Variants in HLCS observed in about 807,000 individuals in gnomAD.
The protein encoded by HLCS is biotin--protein ligase.
Under a neutral mutation model 75.0 loss-of-function variants are expected in HLCS, and 53 were observed. That is an observed-to-expected ratio of 0.71 (90% CI 0.57 to 0.89). The LOEUF (loss-of-function observed/expected upper bound fraction) is 0.89. HLCS is among the 40% of genes least tolerant of loss of function. HLCS has a pLI of 0.00. For missense variants in HLCS, 966 were observed against 1,074.0 expected, an observed-to-expected ratio of 0.90 and a Z score of 1.41; for synonymous variants, 431 against 428.6, an observed-to-expected ratio of 1.01 and a Z score of -0.07.
chr21:36,960,134 C>G (rs1461892522), intron 2 of HLCS, among the ~76,000 whole-genome samples: 14 of 9,268 alleles, frequency 1.5e-3, no homozygotes, highest in African/African-American at 6.6e-3. Context: ...GCCACCCACC[C>G]CCCCCCCCCC....
At chr21:36,945,271 T>C (rs1402072794) in intron 2 of HLCS, among the ~76,000 whole-genome samples, 1 of 151,708 alleles carries the variant, frequency 6.6e-6, no homozygotes, top group Non-Finnish European at 1.5e-5. Context: ...ACCCCATAAA[T>C]ATATACAACT....
chr21:36,801,253 G>T (rs995253201), intron 6 of HLCS, among the ~76,000 whole-genome samples: 1 of 152,124 alleles, frequency 6.6e-6, no homozygotes, highest in African/African-American at 2.4e-5. Flanking sequence ...CAATAGAGAC[G>T]CAAGTAACTT....
intron 5 of HLCS, among the ~76,000 whole-genome samples, chr21:36,922,941 T>G (rs1453452689): frequency 6.6e-6 from 1 of 152,188 alleles, no homozygotes; most frequent in African/African-American, 2.4e-5. Flanking sequence ...AGGAGAACAT[T>G]TATCAAATGG....
chr21:36,970,911 G>A (rs1294384824), upstream of HLCS, among the ~76,000 whole-genome samples: 1 of 151,256 alleles, frequency 6.6e-6, no homozygotes, highest in Non-Finnish European at 1.5e-5. Context: ...GGAGAATGGC[G>A]TGAACCCAGG....
chr21:36,812,043 T>C (rs571070494), intron 6 of HLCS, among the ~76,000 whole-genome samples: 1 of 152,174 alleles, frequency 6.6e-6, no homozygotes, highest in Non-Finnish European at 1.5e-5. Context: ...CCTAGGACAC[T>C]GGGTGGCTCC....
At chr21:36,967,203 A>C (rs1437228473), upstream of HLCS, among the ~76,000 whole-genome samples, 1 of 152,158 alleles carries the variant, frequency 6.6e-6, no homozygotes, top group African/African-American at 2.4e-5. Context: ...AGCGCTCCAC[A>C]GCCGCTACCC....
rs201813658 is a variant in HLCS, at chr21:36,767,228, G to C, written c.1950C>G (p.Thr650=). 15 of 1,613,956 alleles carry C rather than the reference G, an allele frequency of 9.3e-6. No individual in the cohort carries two copies. In the African/African-American group the frequency reaches 1.2e-4, roughly 13 times the overall value. Residue 650 remains threonine, a synonymous_variant, in exon 7 of 11, where the codon ACC becomes ACG. Transcript: ENST00000674895. The stretch of plus-strand genomic sequence containing the variant: ...CAAAAGATGACTGACCTTTGCCCTC[G>C]GTCTGCCGGGCCGCGATCACTATTA... ...MGLIVIAARQ[T]EGKGRGGNVW... is the part of the protein sequence containing the mutation.
Position 36,904,584 on chromosome 21 carries a change from T to C in HLCS, c.1621-7453A>G, listed in dbSNP as rs1041323472. Among the ~76,000 whole-genome samples, 4 of 152,210 alleles carry C rather than the reference T, an allele frequency of 2.6e-5. No homozygotes were observed. The East Asian group carries it at 7.7e-4, about 29-fold the overall frequency. ...TTCTCTTAAATATTTATATTCACTA[T>C]AGTCAAATACATTTTAAGTACCATA... On this transcript the variant is annotated intron_variant, in intron 5 of 10. Transcript: ENST00000674895.
chr21:36,848,900 A>C (rs950416887), intron 6 of HLCS, among the ~76,000 whole-genome samples: 1 of 152,176 alleles, frequency 6.6e-6, no homozygotes, highest in African/African-American at 2.4e-5. Flanking sequence ...AGAGGTGAGA[A>C]GGCTTCTAAA....
intron 6 of HLCS, among the ~76,000 whole-genome samples, chr21:36,819,085 G>A (rs2061749326): frequency 6.6e-6 from 1 of 152,162 alleles, no homozygotes; most frequent in Non-Finnish European, 1.5e-5. Context: ...CAGCTTAGGA[G>A]GCTCCGAAAG....
At chr21:36,969,355 G>A (rs1415749242), upstream of HLCS, among the ~76,000 whole-genome samples, 1 of 152,138 alleles carries the variant, frequency 6.6e-6, no homozygotes, top group Non-Finnish European at 1.5e-5. Flanking sequence ...CCTTAGAGCA[G>A]CAGCAGCAGC....
chr21:36,756,440 G>C, intron 10 of HLCS, 102 bp downstream of exon 10: 2 of 720,282 alleles, frequency 2.8e-6, no homozygotes, highest in East Asian at 7.9e-5. Context: ...GACAGAGTGA[G>C]ACTCCGTCTC....
rs943553338 is a variant in HLCS at position 36,826,101 on chromosome 21, A to C, written c.1893-58816T>G. Among the ~76,000 whole-genome samples, 9 of 152,336 alleles carry C rather than the reference A, an allele frequency of 5.9e-5. No homozygotes were observed. The East Asian group carries it at 1.7e-3, about 29-fold the overall frequency. The stretch of plus-strand genomic sequence containing the variant: ...TCTGTGAACTATGATTTTAACGTTA[A>C]GAGTAACAAAGATGGGAAATCTATC... On this transcript the variant is annotated intron_variant, in intron 6 of 10. Transcript: ENST00000674895.
intron 5 of HLCS, among the ~76,000 whole-genome samples, chr21:36,912,061 A>C (rs1017964531): frequency 1.3e-5 from 2 of 149,102 alleles, no homozygotes; most frequent in African/African-American, 2.5e-5. Context: ...ACAAGAGCAA[A>C]ACTCCGTCTC....
intron 1 of HLCS, among the ~76,000 whole-genome samples, chr21:36,965,401 C>T (rs2146683415): frequency 6.6e-6 from 1 of 152,304 alleles, no homozygotes. Flanking sequence ...AAGCTAAGCC[C>T]ATTTCCAAAA....
rs1402839553 is a variant in HLCS at position 36,753,676 on chromosome 21, C to T, written c.*570G>A. 1 of 162,700 alleles carries T rather than the reference C, an allele frequency of 6.1e-6. No homozygotes were observed. The highest frequency in any genetic ancestry group is 1.8e-4 in the East Asian group (1 of 5,646). The allele number at this position is 162,700 out of a possible 1,614,324, so 10.1% of individuals were successfully genotyped here. On this transcript the variant is annotated 3_prime_UTR_variant, in exon 11 of 11. Coordinates refer to ENST00000674895, the MANE Select transcript of HLCS (RefSeq NM_001352514.2). This position sits in a 1 kb window ranked among gnomAD's most constrained non-coding sequence, Gnocchi z 4.3. ...AGCTCTATCTCTACAGGCATTTAGACTTCGCTATGGGGCCACACCACCGGG... is the reference window on the plus strand; with the variant it reads ...AGCTCTATCTCTACAGGCATTTAGATTTCGCTATGGGGCCACACCACCGGG...
chr21:36,954,746 A>AAAAACAAAAC lies in HLCS; in HGVS notation c.330+7280_330+7289dup, dbSNP rs563943744. Among the ~76,000 whole-genome samples, 15 of 151,714 alleles carry AAAAACAAAAC rather than the reference A, an allele frequency of 9.9e-5. No individual in the cohort carries two copies. The South Asian group carries it at 2.3e-3, about 23-fold the overall frequency. ...AGAGTGTACTCCTTCTACTTATTAA[A>AAAAACAAAAC]AAAACAAAACAAAACAAAACAAAAC... is the stretch of plus-strand genomic sequence containing the variant. On this transcript the variant is annotated intron_variant, in intron 2 of 10. Coordinates refer to ENST00000674895, the MANE Select transcript of HLCS (RefSeq NM_001352514.2).
chr21:36,811,903 G>A (rs1412806710), intron 6 of HLCS, among the ~76,000 whole-genome samples: 1 of 152,184 alleles, frequency 6.6e-6, no homozygotes, highest in Non-Finnish European at 1.5e-5. Context: ...AAGGATCAGG[G>A]AGAGACACTG....
chr21:36,913,443 G>C (rs947459544), intron 5 of HLCS, among the ~76,000 whole-genome samples: 1 of 152,098 alleles, frequency 6.6e-6, no homozygotes, highest in African/African-American at 2.4e-5. Flanking sequence ...GTGGGCAGGG[G>C]TGGGAGCAGA....
Sources: gnomAD v4.1 joint callset for allele counts (sites outside exome capture counted in the v4.1 genomes callset) on GRCh38, gnomAD v4.1.1 for gene constraint, Gnocchi (gnomAD v3.1) non-coding constraint, MANE v1.5 for transcripts, NCBI Gene and HGNC (gene_info 2026-07-23, HGNC 2026-07-21) for gene names.